WNT2: variants seen among roughly 807,000 people sequenced by gnomAD.
WNT2 encodes the protein protein Wnt-2.
Under a neutral mutation model 36.9 loss-of-function variants are expected in WNT2, and 12 were observed. The observed-to-expected ratio is 0.33, with a 90% confidence interval of 0.21 to 0.53. The LOEUF is 0.53. Ranked by LOEUF, WNT2 falls within the 20% of genes least tolerant of loss-of-function variation. The pLI is 0.95. For missense variants in WNT2, 379 were observed against 473.1 expected, an observed-to-expected ratio of 0.80 and a Z score of 1.84; for synonymous variants, 163 against 174.6, an observed-to-expected ratio of 0.93 and a Z score of 0.52.
intron 4 of WNT2, among the ~76,000 whole-genome samples, chr7:117,290,005 T>C (rs1794657983): frequency 6.6e-6 from 1 of 151,948 alleles, no homozygotes; most frequent in East Asian, 1.9e-4. Flanking sequence ...TTTTCTGAGA[T>C]GAGGAGGGCT....
At position 117,277,809 on chromosome 7, in the gene WNT2, C is replaced by T; in HGVS notation, c.*346G>A. 4.3e-6 allele frequency: 1 copy of T among 232,690 alleles called. No homozygotes were observed. Among genetic ancestry groups the T allele is most frequent in the African/African-American group, 2.2e-5 (1 of 44,858 alleles). 14.4% of individuals were successfully genotyped at this position (232,690 alleles called of 1,614,324 possible). On this transcript the variant is annotated 3_prime_UTR_variant, in exon 5 of 5. Coordinates refer to ENST00000265441, the MANE Select transcript of WNT2 (RefSeq NM_003391.3). ...CTCCTTTGAGACACTTTTTTTTCTG[C>T]TTGGCCAACTGCTCTAGAAAGAAGA...
In WNT2 at chr7:117,284,538, C is replaced by G. The variant is rs189955997; in HGVS notation, c.854-6154G>C. Among the ~76,000 whole-genome samples, 3 of 152,298 alleles carry G rather than the reference C, an allele frequency of 2.0e-5. No individual in the cohort carries two copies. The East Asian group carries it at 5.8e-4, about 29-fold the overall frequency. On this transcript the variant is annotated intron_variant, in intron 4 of 4. Coordinates refer to ENST00000265441, the MANE Select transcript of WNT2 (RefSeq NM_003391.3). The surrounding 1 kb of genome is among the most constrained non-coding windows in gnomAD (Gnocchi z 5.2). ...AACAGGAACCACTGGGGAGACAAAC[C>G]CAGCTACATCTATCAGCCTTAATCC...
chr7:117,288,589 T>C (rs926638112), intron 4 of WNT2, among the ~76,000 whole-genome samples: 1 of 152,226 alleles, frequency 6.6e-6, no homozygotes, highest in South Asian at 2.1e-4. Flanking sequence ...TCGAAATGAG[T>C]AGTTTCTATT....
chr7:117,298,028 GT>G, intron 3 of WNT2, 152 bp from the exon 4 acceptor site: 1 of 1,152,418 alleles, frequency 8.7e-7, no homozygotes, highest in Non-Finnish European at 1.2e-6. Context: ...CTTGTCACTT[GT>G]TAGCCACATT....
chr7:117,315,173 G>C lies in WNT2; in HGVS notation c.486C>G (p.Asp162Glu). ...ATGCGCGGGCAAATTTGATCCCATA[G>C]TCAATGTTATCACTGCAGCCACCCC... ...FDWGGCSDNIDYGIKFARAFV... is the reference protein window; with the variant it reads ...FDWGGCSDNIEYGIKFARAFV... Residue 162 changes from aspartate to glutamate, a missense_variant, in exon 3 of 5, where the codon GAC (aspartate) becomes GAG (glutamate). Coordinates refer to ENST00000265441, the MANE Select transcript of WNT2 (RefSeq NM_003391.3). 1 of 1,614,086 alleles carries C rather than the reference G, an allele frequency of 6.2e-7. No individual in the cohort carries two copies. Among genetic ancestry groups the C allele is most frequent in the Non-Finnish European group, 8.5e-7 (1 of 1,180,020 alleles).
At chr7:117,316,865 T>G (rs1393650997) in intron 2 of WNT2, among the ~76,000 whole-genome samples, 1 of 152,200 alleles carries the variant, frequency 6.6e-6, no homozygotes, top group Non-Finnish European at 1.5e-5. Flanking sequence ...CAGCTTATAC[T>G]ATATAGACCA....
Position 117,322,960 on chromosome 7 carries a change from G to A in WNT2, c.30C>T (p.Leu10=), listed in dbSNP as rs780410381. The stretch of plus-strand genomic sequence containing the variant: ...GCCAGGTCAAGAGCAGAGGGAGCCA[G>A]AGCCAGATTCCACCGAGAGGGGCGT... The part of the protein sequence containing the change: MNAPLGGIW[L]WLPLLLTWLT... Residue 10 remains leucine (L), a synonymous_variant, in exon 1 of 5, where the codon CTC becomes CTT. Coordinates refer to ENST00000265441, the MANE Select transcript of WNT2 (RefSeq NM_003391.3). This position sits in a 1 kb window ranked among gnomAD's most constrained non-coding sequence, Gnocchi z 5.4. 1.1e-5 allele frequency: 17 copies of A among 1,613,672 alleles called. No individual in the cohort carries two copies. Among genetic ancestry groups the A allele is most frequent in the Non-Finnish European group, 1.4e-5 (17 of 1,179,964 alleles).
intron 3 of WNT2, among the ~76,000 whole-genome samples, chr7:117,313,091 C>T (rs1191055527): frequency 6.6e-6 from 1 of 152,196 alleles, no homozygotes; most frequent in Admixed American, 6.5e-5. Flanking sequence ...AGAGCCAAGC[C>T]AGTTGGAGGC....
Position 117,278,082 on chromosome 7 carries a change from C to A in WNT2, c.*73G>T, listed in dbSNP as rs968978928. 5 of 1,528,688 alleles carry A rather than the reference C, an allele frequency of 3.3e-6. No homozygotes were observed. Among genetic ancestry groups the A allele is most frequent in the Non-Finnish European group, 4.5e-6 (5 of 1,111,110 alleles). 94.7% of individuals were successfully genotyped at this position (1,528,688 alleles called of 1,614,324 possible). ...AGGAAATATCCCCCCAGAAAGAACC[C>A]AAAGGTCCAGTGTTCTTGCAGATCC... is the stretch of plus-strand genomic sequence containing the variant. On this transcript the variant is annotated 3_prime_UTR_variant, in exon 5 of 5. Transcript: ENST00000265441.
intron 4 of WNT2, among the ~76,000 whole-genome samples, chr7:117,279,681 G>C (rs896702324): frequency 1.3e-5 from 2 of 152,098 alleles, no homozygotes; most frequent in African/African-American, 4.8e-5. Flanking sequence ...GACTGCATTC[G>C]AACGTTTGAG....
At chr7:117,315,964 C>T (rs767278138) in intron 2 of WNT2, among the ~76,000 whole-genome samples, 3 of 152,240 alleles carry the variant, frequency 2.0e-5, no homozygotes, top group Non-Finnish European at 4.4e-5. Flanking sequence ...CATTGACTTT[C>T]ATAAGTAATT....
At chr7:117,309,091 G>A (rs1210688002) in intron 3 of WNT2, among the ~76,000 whole-genome samples, 1 of 151,866 alleles carries the variant, frequency 6.6e-6, no homozygotes, top group Non-Finnish European at 1.5e-5. Flanking sequence ...TCCTTGGGAG[G>A]CTGAGGTGGG....
intron 4 of WNT2, among the ~76,000 whole-genome samples, chr7:117,279,844 G>T (rs1300343616): frequency 6.6e-6 from 1 of 152,090 alleles, no homozygotes; most frequent in Non-Finnish European, 1.5e-5. Context: ...CTTATATCAG[G>T]ATGAAAAAGA....
At chr7:117,309,615 G>A (rs1330679357) in intron 3 of WNT2, among the ~76,000 whole-genome samples, 1 of 152,078 alleles carries the variant, frequency 6.6e-6, no homozygotes, top group African/African-American at 2.4e-5. Flanking sequence ...TTACCACCTG[G>A]TGTATATGCA....
Position 117,322,848 on chromosome 7 carries a change from G to A in WNT2, c.83+59C>T. The A allele has an allele frequency of 5.1e-6, 8 of 1,555,966 alleles. No individual in the cohort carries two copies. The highest frequency in any genetic ancestry group is 4.4e-6 in the Non-Finnish European group (5 of 1,131,018). ...AACGCAGCCAGGAAGGGTCTATGTG[G>A]CCAATGCGGTCCCCATTCCGATCTC... On this transcript the variant is annotated intron_variant, in intron 1 of 4. Coordinates refer to ENST00000265441, the MANE Select transcript of WNT2 (RefSeq NM_003391.3). This position sits in a 1 kb window ranked among gnomAD's most constrained non-coding sequence, Gnocchi z 5.4.
chr7:117,297,832 C>T lies in WNT2; in HGVS notation c.633G>A (p.Val211=), dbSNP rs1380977123. The T allele has an allele frequency of 2.5e-6, 4 of 1,613,986 alleles. No homozygotes were observed. In the South Asian group the frequency reaches 3.3e-5, roughly 13 times the overall value. Residue 211 remains valine, a synonymous_variant, in exon 4 of 5, where the codon GTG becomes GTA. Transcript: ENST00000265441. ...ATGTCCTGAGAGTACATGAGCCGCT[C>T]ACCCCGTGGCACTTGCACTCTTGTT... is the stretch of plus-strand genomic sequence containing the variant. ...FLKQECKCHG[V]SGSCTLRTCW...
At chr7:117,312,105 A>T (rs1795132100) in intron 3 of WNT2, among the ~76,000 whole-genome samples, 1 of 152,150 alleles carries the variant, frequency 6.6e-6, no homozygotes, top group Non-Finnish European at 1.5e-5. Context: ...AGAAGTTGTG[A>T]TTATTTCATT....
chr7:117,291,710 A>G (rs936077816), intron 4 of WNT2, among the ~76,000 whole-genome samples: 9 of 152,222 alleles, frequency 5.9e-5, no homozygotes, highest in Non-Finnish European at 1.2e-4. Flanking sequence ...AGACTAGAGG[A>G]AAATGTCTTT....
intron 4 of WNT2, among the ~76,000 whole-genome samples, chr7:117,283,720 G>T (rs1308171780): frequency 1.3e-5 from 2 of 152,184 alleles, no homozygotes; most frequent in Non-Finnish European, 2.9e-5. Context: ...ATTGACAAAA[G>T]CTTAACTCAG....
Sources: allele counts gnomAD v4.1 joint callset (sites outside exome capture counted in the v4.1 genomes callset), GRCh38; gene constraint gnomAD v4.1.1; non-coding constraint Gnocchi (gnomAD v3.1); transcripts MANE v1.5; gene names NCBI Gene and HGNC (gene_info 2026-07-23, HGNC 2026-07-21).